The following CILK1 variants were observed in gnomAD, a reference collection of about 807,000 sequenced individuals.
CILK1 encodes the protein ciliogenesis associated kinase 1.
CILK1 carries 47 observed loss-of-function variants against 79.2 expected under a neutral mutation model. The observed-to-expected ratio is 0.59, with a 90% CI of 0.47 to 0.76. The LOEUF (loss-of-function observed/expected upper bound fraction) is 0.76, where lower values mean the gene tolerates loss of function less well. Ranked by LOEUF, CILK1 falls within the 30% of genes least tolerant of loss-of-function variation. The pLI, the probability that CILK1 is intolerant of heterozygous loss-of-function variation, is 0.00. For synonymous variants in CILK1, 266 were observed against 275.9 expected, an observed-to-expected ratio of 0.96 and a Z score of 0.36; for missense variants, 660 against 769.5, an observed-to-expected ratio of 0.86 and a Z score of 1.68.
chr6:53,008,714 G>A (rs982768385), intron 12 of CILK1, among the ~76,000 whole-genome samples: 8 of 152,178 alleles, frequency 5.3e-5, no homozygotes, highest in South Asian at 4.1e-4. Context: ...TTACAGGCAT[G>A]AGCCACCACA....
intron 1 of CILK1, among the ~76,000 whole-genome samples, chr6:53,045,334 A>AT (rs1322022634): frequency 6.6e-6 from 1 of 151,942 alleles, no homozygotes; most frequent in Non-Finnish European, 1.5e-5. Context: ...ATCTTCAACT[A>AT]TTTTTTTCCT....
intron 5 of CILK1, 118 bp from the exon 6 acceptor site, chr6:53,019,477 A>G: frequency 2.6e-6 from 3 of 1,133,092 alleles, no homozygotes; most frequent in Admixed American, 4.1e-5. Context: ...GCATGGCACC[A>G]AAGGCTTTAT....
chr6:53,024,302 CAA>C (rs1765431011), intron 5 of CILK1, among the ~76,000 whole-genome samples: 1 of 152,134 alleles, frequency 6.6e-6, no homozygotes, highest in Non-Finnish European at 1.5e-5. Flanking sequence ...TCAACAAATG[CAA>C]AGAGCATTCA....
At chr6:53,048,339 G>A (rs1395299507) in intron 1 of CILK1, among the ~76,000 whole-genome samples, 2 of 152,206 alleles carry the variant, frequency 1.3e-5, no homozygotes, top group African/African-American at 4.8e-5. Context: ...AGAAGGGTTA[G>A]TTACACTAGG....
chr6:53,050,699 C>T (rs1386691193), intron 1 of CILK1, among the ~76,000 whole-genome samples: 1 of 151,666 alleles, frequency 6.6e-6, no homozygotes, highest in Non-Finnish European at 1.5e-5. Flanking sequence ...TGGTGCATTC[C>T]TGTAGTTAGT....
intron 7 of CILK1, among the ~76,000 whole-genome samples, chr6:53,016,938 G>A (rs900012942): frequency 7.2e-5 from 11 of 152,148 alleles, no homozygotes; most frequent in African/African-American, 1.4e-4. Context: ...AGCTTTTATC[G>A]TTCATTCACT....
Position 53,011,801 on chromosome 6 carries a change from T to G in CILK1, c.1460A>C (p.Gln487Pro). 6.2e-7 allele frequency: 1 copy of G among 1,614,192 alleles called. No homozygotes were observed. The highest frequency in any genetic ancestry group is 8.5e-7 in the Non-Finnish European group (1 of 1,180,016). Reference protein sequence around the residue: ...DTPTLRSAAKQHYLKHSRYLP... With the variant: ...DTPTLRSAAKPHYLKHSRYLP... ...GTATCGAGAGTGCTTCAAATAGTGC[T>G]GCTTGGCTGCAGATCTCAGGGTGGG... Residue 487 changes from glutamine (Q) to proline (P), a missense_variant, in exon 11 of 14, where the codon CAG (glutamine) becomes CCG (proline). Gln to Pro is a moderately conservative substitution (Grantham distance 76). Coordinates refer to ENST00000676107, the MANE Select transcript of CILK1 (RefSeq NM_014920.5).
intron 1 of CILK1, among the ~76,000 whole-genome samples, chr6:53,053,752 C>T (rs1336863808): frequency 6.6e-6 from 1 of 152,178 alleles, no homozygotes; most frequent in Non-Finnish European, 1.5e-5. Flanking sequence ...CTTCATTCTG[C>T]AATCAAATAT....
intron 3 of CILK1, among the ~76,000 whole-genome samples, chr6:53,033,829 C>T (rs529798569): frequency 1.4e-4 from 22 of 152,156 alleles, no homozygotes; most frequent in African/African-American, 4.1e-4. Flanking sequence ...AAGCAGCTGG[C>T]GAGAGAGAGG....
At chr6:53,051,560 T>C (rs1050331880) in intron 1 of CILK1, among the ~76,000 whole-genome samples, 2 of 152,208 alleles carry the variant, frequency 1.3e-5, no homozygotes, top group African/African-American at 2.4e-5. Context: ...CATTTTCTTG[T>C]CTTCTGTTTT....
intron 1 of CILK1, among the ~76,000 whole-genome samples, chr6:53,042,921 T>C (rs1766809224): frequency 6.6e-6 from 1 of 152,224 alleles, no homozygotes; most frequent in Non-Finnish European, 1.5e-5. Flanking sequence ...TCTATGGTTA[T>C]GTAAGATATT....
intron 5 of CILK1, among the ~76,000 whole-genome samples, chr6:53,026,914 G>A (rs1256917123): frequency 6.6e-6 from 1 of 152,150 alleles, no homozygotes; most frequent in African/African-American, 2.4e-5. Flanking sequence ...GGCAGAAAAT[G>A]TGTGTGCTTA....
intron 3 of CILK1, among the ~76,000 whole-genome samples, chr6:53,032,922 G>A (rs1766066237): frequency 1.3e-5 from 2 of 152,160 alleles, no homozygotes; most frequent in South Asian, 4.1e-4. Flanking sequence ...ACCAGGCAAT[G>A]TACCAAGGCT....
chr6:53,031,099 C>T lies in CILK1; in HGVS notation c.324G>A (p.Gln108=). ...GAATAAATGCGAGTCCTTGTAATAT[C>T]TGATACATGATATTCCTTATAGCAG... ...PESAIRNIMY[Q]ILQGLAFIHK... is the part of the protein sequence containing the mutation. The change falls in exon 5 of 14, where the codon CAG becomes CAA. Residue 108 remains glutamine, a synonymous_variant. Transcript: ENST00000676107. 6.2e-7 allele frequency: 1 copy of T among 1,610,958 alleles called. No homozygotes were observed.
At chr6:53,019,177 A>T in intron 6 of CILK1, 50 bp downstream of exon 6, 1 of 1,537,692 alleles carries the variant, frequency 6.5e-7, no homozygotes, top group Non-Finnish European at 9.0e-7. Context: ...GCATAATGAT[A>T]TCTTTTTAAA....
intron 1 of CILK1, among the ~76,000 whole-genome samples, chr6:53,045,048 A>C (rs1335447792): frequency 2.6e-5 from 4 of 152,254 alleles, no homozygotes; most frequent in Non-Finnish European, 4.4e-5. Context: ...ATAGATTAAA[A>C]ATTTCAATTA....
intron 1 of CILK1, among the ~76,000 whole-genome samples, chr6:53,056,223 G>A (rs1019050175): frequency 5.9e-5 from 9 of 152,158 alleles, no homozygotes; most frequent in Non-Finnish European, 1.2e-4. Flanking sequence ...TTTGACTAAG[G>A]AGCTGATCTC....
Position 53,013,778 on chromosome 6 carries a change from G to A in CILK1, c.1036C>T (p.His346Tyr). Residue 346 changes from histidine to tyrosine, a missense_variant, in exon 9 of 14, where the codon CAT becomes TAT. Physicochemically the swap from His to Tyr is moderately conservative, Grantham distance 83. Coordinates refer to ENST00000676107, the MANE Select transcript of CILK1 (RefSeq NM_014920.5). ...RQHQASQPPL[H>Y]LTYPYKAEVS... ...TCTGCTTTGTAGGGGTACGTGAGAT[G>A]CAGAGGGGGCTGGCTGGCTTGATGC... is the stretch of plus-strand genomic sequence containing the variant. 6.2e-7 allele frequency: 1 copy of A among 1,614,150 alleles called. No individual in the cohort carries two copies. The highest frequency in any genetic ancestry group is 1.1e-5 in the South Asian group (1 of 91,076).
At chr6:53,057,997 T>C (rs1409849197) in intron 1 of CILK1, among the ~76,000 whole-genome samples, 1 of 152,150 alleles carries the variant, frequency 6.6e-6, no homozygotes, top group Admixed American at 6.5e-5. Context: ...TGACTTCACA[T>C]GTCAACATAT....
Sources: allele counts gnomAD v4.1 joint callset (sites outside exome capture counted in the v4.1 genomes callset), GRCh38; gene constraint gnomAD v4.1.1; transcripts MANE v1.5; gene names NCBI Gene and HGNC (gene_info 2026-07-23, HGNC 2026-07-21).